PHF14: variants seen among roughly 807,000 people sequenced by gnomAD.
PHF14 encodes the protein PHD finger protein 14.
PHF14 carries 55 observed loss-of-function variants against 117.9 expected under a neutral mutation model. The observed-to-expected ratio is 0.47, with a 90% confidence interval of 0.38 to 0.58. The LOEUF is 0.58. Ranked by LOEUF, PHF14 falls within the 20% of genes least tolerant of loss-of-function variation. The pLI, the probability that PHF14 is intolerant of heterozygous loss-of-function variation, is 0.00. For synonymous variants in PHF14, 409 were observed against 368.6 expected, an observed-to-expected ratio of 1.11 and a Z score of -1.26; for missense variants, 978 against 1,122.2, an observed-to-expected ratio of 0.87 and a Z score of 1.84.
intron 13 of PHF14, among the ~76,000 whole-genome samples, chr7:11,047,164 G>A (rs890333772): frequency 6.6e-6 from 1 of 151,884 alleles, no homozygotes; most frequent in Non-Finnish European, 1.5e-5. Flanking sequence ...TGCCTCCTGG[G>A]TGCAAGCAAT....
At position 11,081,812 on chromosome 7, in the gene PHF14, C is replaced by T. The variant is rs934860087; in HGVS notation, c.2654+19727C>T. 6.0e-5 allele frequency among the ~76,000 whole-genome samples: 9 copies of T among 150,984 alleles called. No individual in the cohort carries two copies. The South Asian group carries it at 6.3e-4, about 11-fold the overall frequency. The stretch of plus-strand genomic sequence containing the variant: ...CAGAGGTTGCAGTGAGCTGAGATCG[C>T]GCCACCACACTCCAGCCTGGGCGAC... On this transcript the variant is annotated intron_variant, in intron 16 of 17. Coordinates refer to ENST00000634607, the MANE Select transcript of PHF14 (RefSeq NM_001007157.2).
rs143280357 is a variant in PHF14, at chr7:11,084,527, A to T, written c.2654+22442A>T. Among the ~76,000 whole-genome samples the T allele has an allele frequency of 6.6e-4, 100 of 150,820 alleles. 1 individual carries two copies. The highest frequency in any genetic ancestry group is 2.4e-3 in the African/African-American group (97 of 41,028). ...TTTTTTTTTAACTTCACAATGCATAATGGACTTTTTCTCAGTAAATATAGA... is the reference window on the plus strand; with the variant it reads ...TTTTTTTTTAACTTCACAATGCATATTGGACTTTTTCTCAGTAAATATAGA... On this transcript the variant is annotated intron_variant, in intron 16 of 17. Transcript: ENST00000634607.
At chr7:11,001,181 C>G (rs1249059862) in intron 4 of PHF14, among the ~76,000 whole-genome samples, 1 of 152,080 alleles carries the variant, frequency 6.6e-6, no homozygotes, top group Non-Finnish European at 1.5e-5. Context: ...GCCTTTGCTC[C>G]TTTGTCAAAG....
intron 17 of PHF14, among the ~76,000 whole-genome samples, chr7:11,147,630 T>C (rs1334178285): frequency 6.6e-6 from 1 of 152,192 alleles, no homozygotes; most frequent in Admixed American, 6.5e-5. Context: ...TTTTCTTGGT[T>C]TCATGACTTC....
Position 11,038,771 on chromosome 7 carries a change from T to C in PHF14, c.1992T>C (p.Ser664=), listed in dbSNP as rs1467982610. The C allele has an allele frequency of 1.3e-6, 2 of 1,560,540 alleles. No individual in the cohort carries two copies. Among genetic ancestry groups the C allele is most frequent in the Non-Finnish European group, 1.8e-6 (2 of 1,140,342 alleles). The change falls in exon 11 of 18, where the codon TCT becomes TCC. Residue 664 remains serine (S), a synonymous_variant. Coordinates refer to ENST00000634607, the MANE Select transcript of PHF14 (RefSeq NM_001007157.2). ...GGCTTACTTTGTAGCTATGTGAATCTTTAGAAGAACTACAAAACCTGAATG... is the reference window on the plus strand; with the variant it reads ...GGCTTACTTTGTAGCTATGTGAATCCTTAGAAGAACTACAAAACCTGAATG... The part of the protein sequence containing the change: ...LHVEYNKLCE[S]LEELQNLNGK...
chr7:11,076,567 C>CTTTTTTTTTT (rs71023886), intron 16 of PHF14, among the ~76,000 whole-genome samples: 2 of 124,754 alleles, frequency 1.6e-5, no homozygotes, highest in Non-Finnish European at 3.3e-5. Context: ...TTTTCTTTTT[C>CTTTTTTTTTT]TTTTTTTTTT....
intron 3 of PHF14, among the ~76,000 whole-genome samples, chr7:10,987,316 T>C (rs918616321): frequency 8.5e-5 from 13 of 152,176 alleles, no homozygotes; most frequent in Admixed American, 3.9e-4. Flanking sequence ...AGTAGGATTC[T>C]TTTAATTCTA....
At chr7:11,129,515 C>G (rs1478641833) in intron 17 of PHF14, among the ~76,000 whole-genome samples, 2 of 150,070 alleles carry the variant, frequency 1.3e-5, no homozygotes, top group Non-Finnish European at 3.0e-5. Flanking sequence ...TAAAACTAAT[C>G]CAAATGAAAA....
At chr7:11,109,307 C>G (rs894663664) in intron 16 of PHF14, 2 of 151,802 alleles carry the variant, frequency 1.3e-5, no homozygotes, top group African/African-American at 4.8e-5. Context: ...TCAAATAGAA[C>G]AGCTGACTCC....
intron 17 of PHF14, among the ~76,000 whole-genome samples, chr7:11,157,145 A>G (rs1267059861): frequency 6.6e-6 from 1 of 152,196 alleles, no homozygotes; most frequent in Non-Finnish European, 1.5e-5. Context: ...GAGATCCTCT[A>G]GGCAATAAAA....
chr7:11,110,735 C>T (rs1787416458), intron 16 of PHF14, among the ~76,000 whole-genome samples: 1 of 151,842 alleles, frequency 6.6e-6, no homozygotes, highest in Non-Finnish European at 1.5e-5. Context: ...TTTAAATGTT[C>T]TGTTTTTTAA....
At chr7:11,001,258 C>G (rs1050171250) in intron 4 of PHF14, among the ~76,000 whole-genome samples, 8 of 152,088 alleles carry the variant, frequency 5.3e-5, no homozygotes, top group African/African-American at 1.7e-4. Flanking sequence ...ACCTATATAT[C>G]TATTCTTTGA....
At chr7:11,057,398 A>G (rs2108114) in intron 14 of PHF14, among the ~76,000 whole-genome samples, 88,797 of 151,944 alleles carry the variant, frequency 0.58, 27,775 homozygotes, top group East Asian at 0.85. Flanking sequence ...TTTTTGAGAC[A>G]GAGTCTTGCT....
In PHF14 at chr7:11,111,341, A is replaced by G. The variant is rs1452159088; in HGVS notation, c.2655-9A>G. Reference sequence around the variant, plus strand: ...GATACACCTACCTATAAATCTGTTTACCCTGCAGGTGTGATGAATGCAGAC... The same window carrying G: ...GATACACCTACCTATAAATCTGTTTGCCCTGCAGGTGTGATGAATGCAGAC... On this transcript the variant is annotated splice_polypyrimidine_tract_variant and intron_variant, in intron 16 of 17. Coordinates refer to ENST00000634607, the MANE Select transcript of PHF14 (RefSeq NM_001007157.2). The G allele has an allele frequency of 1.4e-6, 2 of 1,409,814 alleles. No individual in the cohort carries two copies. Among genetic ancestry groups the G allele is most frequent in the East Asian group, 2.3e-5 (1 of 43,340 alleles). 87.3% of individuals were successfully genotyped at this position (1,409,814 alleles called of 1,614,324 possible). A position where few individuals can be genotyped will look rare whatever the true frequency, so the allele number is the denominator to read the frequency against.
At chr7:10,984,165 G>A (rs1433069271) in intron 3 of PHF14, among the ~76,000 whole-genome samples, 4 of 151,946 alleles carry the variant, frequency 2.6e-5, no homozygotes, top group African/African-American at 9.7e-5. Flanking sequence ...TGCTTTATTT[G>A]TTCTTTCACA....
chr7:11,123,421 A>T (rs188560628), intron 17 of PHF14, among the ~76,000 whole-genome samples: 9 of 152,130 alleles, frequency 5.9e-5, no homozygotes, highest in African/African-American at 2.2e-4. Context: ...CAAATTAAAT[A>T]TTCTGAAGAT....
intron 3 of PHF14, 134 bp from the exon 4 acceptor site, chr7:10,990,566 TTAA>T (rs1272416583): frequency 6.9e-6 from 4 of 576,478 alleles, no homozygotes; most frequent in Admixed American, 3.2e-5. Flanking sequence ...TACTTTGAAG[TTAA>T]TAAAAGAATG....
chr7:11,020,251 G>C (rs1245634809), intron 5 of PHF14, among the ~76,000 whole-genome samples: 1 of 151,968 alleles, frequency 6.6e-6, no homozygotes, highest in Non-Finnish European at 1.5e-5. Context: ...ACCACACCAG[G>C]CTAATGTTTG....
At chr7:11,063,567 C>T (rs1040647759) in intron 16 of PHF14, 7 of 969,136 alleles carry the variant, frequency 7.2e-6, no homozygotes, top group Non-Finnish European at 8.6e-6. Flanking sequence ...TTATTTGAAC[C>T]TGTATGAGTA....
Sources: gnomAD v4.1 joint callset for allele counts (sites outside exome capture counted in the v4.1 genomes callset) on GRCh38, gnomAD v4.1.1 for gene constraint, MANE v1.5 for transcripts, NCBI Gene and HGNC (gene_info 2026-07-23, HGNC 2026-07-21) for gene names.